TNS1: variants seen among roughly 807,000 people sequenced by gnomAD.
TNS1 encodes the protein tensin 1, also known as tensin-1.
A neutral mutation model predicts 168.6 loss-of-function variants in TNS1; 62 were observed. The observed-to-expected ratio is 0.37, with a 90% CI of 0.30 to 0.45. The LOEUF (loss-of-function observed/expected upper bound fraction) is 0.45. TNS1 is among the 20% of genes least tolerant of loss of function. TNS1 has a pLI of 1.00. For missense variants in TNS1, 2,240 were observed against 2,339.4 expected (o/e 0.96, Z 0.88); for synonymous variants, 934 against 933.2 (o/e 1.00, Z -0.02).
chr2:217,970,475 T>C (rs1957749772), intron 3 of TNS1, among the ~76,000 whole-genome samples: 1 of 152,152 alleles, frequency 6.6e-6, no homozygotes, highest in Non-Finnish European at 1.5e-5. Context: ...TTAGTCATAA[T>C]AACCAAAAAG....
chr2:217,982,987 C>T lies in TNS1; in HGVS notation c.149-4185G>A, dbSNP rs573825227. ...CTGTAACAGCCCGACTAAGACACCC[C>T]CCACCACCAATGCCACCCACCCCTT... On this transcript the variant is annotated intron_variant, in intron 2 of 32. Transcript: ENST00000682258. Among the ~76,000 whole-genome samples, 18 of 152,256 alleles carry T rather than the reference C, an allele frequency of 1.2e-4. No homozygotes were observed. In the South Asian group the frequency reaches 2.9e-3, roughly 25 times the overall value.
chr2:217,839,762 T>A (rs1945687780), intron 19 of TNS1, among the ~76,000 whole-genome samples: 1 of 152,204 alleles, frequency 6.6e-6, no homozygotes, highest in Non-Finnish European at 1.5e-5. Context: ...GACCCAGCTC[T>A]TCTTTCCAGT....
Position 217,848,102 on chromosome 2 carries a change from G to T in TNS1, c.2415C>A (p.Pro805=), listed in dbSNP as rs752642064. ...AHLESLVASR[P]SPQPLAETPI... ...GGGTCTCTGCCAATGGCTGAGGGCTGGGCCTGCTGGCTACAAGACTCTCCA... is the reference window on the plus strand; with the variant it reads ...GGGTCTCTGCCAATGGCTGAGGGCTTGGCCTGCTGGCTACAAGACTCTCCA... Residue 805 remains proline, a synonymous_variant, in exon 19 of 33, where the codon CCC becomes CCA. Transcript: ENST00000682258. The T allele has an allele frequency of 6.4e-7, 1 of 1,568,098 alleles. No individual in the cohort carries two copies. Among genetic ancestry groups the T allele is most frequent in the Admixed American group, 1.9e-5 (1 of 53,146 alleles).
At chr2:217,917,446 G>A (rs575898405) in intron 4 of TNS1, among the ~76,000 whole-genome samples, 8 of 152,154 alleles carry the variant, frequency 5.3e-5, no homozygotes, top group Non-Finnish European at 1.2e-4. Flanking sequence ...AAAATGCATA[G>A]TGTATCGGGG....
chr2:217,955,037 AC>A (rs1410128510), intron 3 of TNS1, among the ~76,000 whole-genome samples: 29 of 152,130 alleles, frequency 1.9e-4, no homozygotes, highest in Non-Finnish European at 3.5e-4. Context: ...GGGTGCAGGT[AC>A]CCACGGGCTG....
chr2:217,892,339 T>C (rs866316056), intron 11 of TNS1, among the ~76,000 whole-genome samples: 6 of 152,192 alleles, frequency 3.9e-5, no homozygotes, highest in African/African-American at 1.2e-4. Flanking sequence ...TGACCTCAAG[T>C]GATCCACCTG....
At chr2:217,944,583 C>T (rs546456948) in intron 3 of TNS1, among the ~76,000 whole-genome samples, 1 of 152,292 alleles carries the variant, frequency 6.6e-6, no homozygotes, top group East Asian at 1.9e-4. Flanking sequence ...ACTTCTGAAC[C>T]TGCTTTTTTC....
intron 3 of TNS1, among the ~76,000 whole-genome samples, chr2:217,966,660 T>C (rs1217058228): frequency 1.3e-5 from 2 of 152,176 alleles, no homozygotes; most frequent in Admixed American, 6.5e-5. Context: ...GGCAGGAGTA[T>C]GCTGAACAGG....
chr2:217,998,416 G>C (rs553051151), intron 1 of TNS1, among the ~76,000 whole-genome samples: 1 of 152,314 alleles, frequency 6.6e-6, no homozygotes, highest in South Asian at 2.1e-4. Context: ...CCCATCAGTG[G>C]GGCCAGGCAC....
At chr2:218,031,368 G>A (rs1958897704) in intron 1 of TNS1, among the ~76,000 whole-genome samples, 1 of 150,822 alleles carries the variant, frequency 6.6e-6, no homozygotes, top group Admixed American at 6.6e-5. Context: ...TTGTGTGTGA[G>A]CATGTCTGTG....
chr2:217,868,969 G>C (rs1218171914), intron 18 of TNS1, among the ~76,000 whole-genome samples: 1 of 152,262 alleles, frequency 6.6e-6, no homozygotes, highest in Non-Finnish European at 1.5e-5. Context: ...TTGTGTCAGG[G>C]AGAGGGACAT....
At chr2:217,969,699 T>A (rs1426629419) in intron 3 of TNS1, among the ~76,000 whole-genome samples, 9 of 152,186 alleles carry the variant, frequency 5.9e-5, no homozygotes, top group Non-Finnish European at 1.3e-4. Context: ...TCATTACTCA[T>A]CAGGGAAATC....
At chr2:217,839,904 C>T (rs773818275) in intron 19 of TNS1, among the ~76,000 whole-genome samples, 3 of 152,204 alleles carry the variant, frequency 2.0e-5, no homozygotes, top group East Asian at 1.9e-4. Context: ...GAAAGCCACA[C>T]GGCGATCACA....
At chr2:217,924,968 G>A (rs1007847782) in intron 3 of TNS1, among the ~76,000 whole-genome samples, 5 of 151,988 alleles carry the variant, frequency 3.3e-5, no homozygotes, top group Non-Finnish European at 5.9e-5. Context: ...TAAAGCTAGG[G>A]GTACACAATT....
chr2:217,809,408 G>C (rs1327380693), intron 30 of TNS1, among the ~76,000 whole-genome samples: 26 of 121,788 alleles, frequency 2.1e-4, no homozygotes, highest in African/African-American at 6.8e-4. Context: ...TGGATGGATG[G>C]ATGGATGCAT....
At position 217,813,123 on chromosome 2, in the gene TNS1, A is replaced by T; in HGVS notation, c.4954+92T>A. 1 of 859,486 alleles carries T rather than the reference A, an allele frequency of 1.2e-6. No homozygotes were observed. Among genetic ancestry groups the T allele is most frequent in the Non-Finnish European group, 1.9e-6 (1 of 526,584 alleles). 53.2% of individuals were successfully genotyped at this position (859,486 alleles called of 1,614,324 possible). A position where few individuals can be genotyped will look rare whatever the true frequency, so the allele number is the denominator to read the frequency against. On this transcript the variant is annotated intron_variant, in intron 27 of 32. Coordinates refer to ENST00000682258, the MANE Select transcript of TNS1 (RefSeq NM_001387777.1). This position sits in a 1 kb window ranked among gnomAD's most constrained non-coding sequence, Gnocchi z 4.0. ...ACAAGGGTGACTGGCAGAGCCTGTC[A>T]GAAAGAACTTGGGGTCAGACCCCTG...
intron 1 of TNS1, among the ~76,000 whole-genome samples, chr2:218,016,713 C>G (rs945103913): frequency 2.6e-5 from 4 of 152,154 alleles, no homozygotes; most frequent in Non-Finnish European, 5.9e-5. Flanking sequence ...ATGGACCCCC[C>G]CAGAAAGACA....
intron 19 of TNS1, among the ~76,000 whole-genome samples, chr2:217,846,129 C>A (rs111760415): frequency 2.6e-5 from 4 of 152,164 alleles, no homozygotes; most frequent in Admixed American, 6.5e-5. Flanking sequence ...GCGTTTCATC[C>A]GAGGTTAAGA....
chr2:217,805,449 C>T (rs1938356868), intron 32 of TNS1, among the ~76,000 whole-genome samples: 1 of 73,176 alleles, frequency 1.4e-5, no homozygotes, highest in Non-Finnish European at 2.9e-5. Flanking sequence ...CACACATACA[C>T]ACCATCACAC....
Sources: allele counts gnomAD v4.1 joint callset (sites outside exome capture counted in the v4.1 genomes callset), GRCh38; gene constraint gnomAD v4.1.1; non-coding constraint Gnocchi (gnomAD v3.1); transcripts MANE v1.5; gene names NCBI Gene and HGNC (gene_info 2026-07-23, HGNC 2026-07-21).